The following TMCO5A variants were observed in gnomAD, a reference collection of about 807,000 sequenced individuals.
TMCO5A encodes the protein transmembrane and coiled-coil domain-containing protein 5A.
In TMCO5A, 34 loss-of-function variants were observed where a neutral mutation model predicts 42.3. That is an observed-to-expected ratio of 0.80 (90% CI 0.61 to 1.07). The LOEUF (loss-of-function observed/expected upper bound fraction) is 1.07, where lower values mean the gene tolerates loss of function less well. Among genes scored for constraint, TMCO5A ranks in the 50% least tolerant of loss-of-function variants. The pLI is 0.00. For synonymous variants in TMCO5A, 131 were observed against 115.6 expected (o/e 1.13, Z -0.86); for missense variants, 357 against 327.9 (o/e 1.09, Z -0.69).
chr15:38,021,255 T>C, the TMCO5A span, among the ~76,000 whole-genome samples: 1 of 152,142 alleles, frequency 6.6e-6, no homozygotes, highest in Admixed American at 6.5e-5. Flanking sequence ...TCCTAGAAAA[T>C]CCAAAGCATT....
the TMCO5A span, among the ~76,000 whole-genome samples, chr15:38,031,536 G>A: frequency 6.6e-6 from 1 of 152,180 alleles, no homozygotes; most frequent in Non-Finnish European, 1.5e-5. Context: ...GCAACCCTAT[G>A]GAGAGACCCA....
At chr15:37,977,097 T>C in the TMCO5A span, among the ~76,000 whole-genome samples, 1 of 152,202 alleles carries the variant, frequency 6.6e-6, no homozygotes, top group Non-Finnish European at 1.5e-5. Flanking sequence ...ATTGCCATTT[T>C]GCCTTTTATC....
At chr15:38,006,720 C>T in the TMCO5A span, among the ~76,000 whole-genome samples, 1 of 152,142 alleles carries the variant, frequency 6.6e-6, no homozygotes, top group Non-Finnish European at 1.5e-5. Flanking sequence ...CTCTTGGCTA[C>T]ACTATATTGA....
chr15:37,977,857 G>T, the TMCO5A span, among the ~76,000 whole-genome samples: 1 of 152,180 alleles, frequency 6.6e-6, no homozygotes, highest in Admixed American at 6.5e-5. Flanking sequence ...GCCTGGAGTG[G>T]GGCAGCTGTG....
chr15:38,038,270 T>C, the TMCO5A span, among the ~76,000 whole-genome samples: 1 of 152,186 alleles, frequency 6.6e-6, no homozygotes, highest in East Asian at 1.9e-4. Context: ...ATCCATTTCA[T>C]CTCTGTTTCC....
At chr15:37,988,944 T>A in the TMCO5A span, among the ~76,000 whole-genome samples, 1 of 151,988 alleles carries the variant, frequency 6.6e-6, no homozygotes, top group Non-Finnish European at 1.5e-5. Flanking sequence ...GTTTGGTACA[T>A]TTCTCCAGTG....
chr15:37,992,073 T>C, the TMCO5A span, among the ~76,000 whole-genome samples: 1 of 152,076 alleles, frequency 6.6e-6, no homozygotes, highest in Admixed American at 6.6e-5. Flanking sequence ...GCCTACAGAA[T>C]GGGAGAAATT....
the TMCO5A span, among the ~76,000 whole-genome samples, chr15:38,009,930 A>G: frequency 6.6e-6 from 1 of 152,216 alleles, no homozygotes; most frequent in Admixed American, 6.6e-5. Flanking sequence ...CCCAAAAATT[A>G]TTCATGTTCT....
chr15:37,996,145 T>G, the TMCO5A span, among the ~76,000 whole-genome samples: 3 of 152,348 alleles, frequency 2.0e-5, no homozygotes, highest in East Asian at 5.8e-4. Flanking sequence ...TCAATCATTT[T>G]AGCAACCCTG....
the TMCO5A span, among the ~76,000 whole-genome samples, chr15:38,032,231 A>G: frequency 6.6e-6 from 1 of 152,194 alleles, no homozygotes; most frequent in East Asian, 1.9e-4. Flanking sequence ...CTGGGATTAC[A>G]GGCATGAGCC....
chr15:38,019,767 T>C, the TMCO5A span, among the ~76,000 whole-genome samples: 1 of 147,454 alleles, frequency 6.8e-6, no homozygotes, highest in Non-Finnish European at 1.5e-5. Flanking sequence ...CCACTATGTC[T>C]GGCTAATTTT....
chr15:37,962,246 A>G (rs564446839), intron 11 of TMCO5A, among the ~76,000 whole-genome samples: 2 of 152,178 alleles, frequency 1.3e-5, no homozygotes, highest in South Asian at 4.1e-4. Flanking sequence ...TTTTAATCAT[A>G]AAGCGATGCT....
At chr15:38,038,242 C>T in the TMCO5A span, among the ~76,000 whole-genome samples, 1 of 152,082 alleles carries the variant, frequency 6.6e-6, no homozygotes, top group African/African-American at 2.4e-5. Context: ...TGAAGTACAT[C>T]ACATAAAATA....
chr15:37,959,529 C>A (rs547691415), intron 11 of TMCO5A, among the ~76,000 whole-genome samples: 1 of 151,772 alleles, frequency 6.6e-6, no homozygotes, highest in South Asian at 2.1e-4. Context: ...AGGGATAGTT[C>A]GACATACACA....
chr15:37,937,238 G>A (rs1050600728), intron 4 of TMCO5A, 108 bp from the exon 5 acceptor site: 9 of 1,348,970 alleles, frequency 6.7e-6, no homozygotes, highest in Admixed American at 3.5e-5. Flanking sequence ...TGCAAATAAG[G>A]TCAAGTTACT....
Position 37,936,880 on chromosome 15 carries a change from G to C in TMCO5A, c.174G>C (p.Leu58=), listed in dbSNP as rs1236726710. ...GTGAGATCATTCAGACGCGGGGCCT[G>C]GTGGAAGATGAAGAGTGGGAGAAGG... is the stretch of plus-strand genomic sequence containing the variant. ...LESEIIQTRG[L]VEDEEWEKEN... is the part of the protein sequence containing the mutation. Residue 58 remains leucine (L), a synonymous_variant, in exon 4 of 12, where the codon CTG becomes CTC. Transcript: ENST00000319669. The C allele has an allele frequency of 4.3e-6, 7 of 1,612,248 alleles. No individual in the cohort carries two copies. In the Admixed American group the frequency reaches 6.7e-5, roughly 15 times the overall value.
the TMCO5A span, among the ~76,000 whole-genome samples, chr15:38,019,267 T>C: frequency 6.6e-6 from 1 of 152,134 alleles, no homozygotes; most frequent in Non-Finnish European, 1.5e-5. Context: ...AAATAGAAGT[T>C]AATAATATTT....
the TMCO5A span, among the ~76,000 whole-genome samples, chr15:37,973,043 C>G: frequency 1.3e-5 from 2 of 152,146 alleles, no homozygotes; most frequent in African/African-American, 4.8e-5. Flanking sequence ...TGTCCTTTCC[C>G]CATTGCCTGT....
the TMCO5A span, among the ~76,000 whole-genome samples, chr15:38,002,155 C>T: frequency 6.6e-6 from 1 of 151,168 alleles, no homozygotes; most frequent in Non-Finnish European, 1.5e-5. Flanking sequence ...GTCTTTATTT[C>T]TCCTTCATGT....
Sources: gnomAD v4.1 joint callset for allele counts (sites outside exome capture counted in the v4.1 genomes callset) on GRCh38, gnomAD v4.1.1 for gene constraint, MANE v1.5 for transcripts, NCBI Gene and HGNC (gene_info 2026-07-23, HGNC 2026-07-21) for gene names.